The following RBFOX1 variants were observed in gnomAD, a reference collection of about 807,000 sequenced individuals.
The protein encoded by RBFOX1 is RNA binding protein fox-1 homolog 1.
In RBFOX1, 8 loss-of-function variants were observed where a neutral mutation model predicts 57.7. The ratio of observed to expected loss-of-function variants is 0.14; its 90% CI spans 0.08 to 0.25. The LOEUF (loss-of-function observed/expected upper bound fraction) is 0.25, where lower values mean the gene tolerates loss of function less well. Among genes scored for constraint, RBFOX1 ranks in the 10% least tolerant of loss-of-function variants. The pLI is 1.00. For synonymous variants in RBFOX1, 326 were observed against 222.4 expected (o/e 1.47, Z -4.15); for missense variants, 611 against 548.5 (o/e 1.11, Z -1.14).
chr16:7,300,512 A>G (rs1043483468), intron 4 of RBFOX1, among the ~76,000 whole-genome samples: 1 of 152,238 alleles, frequency 6.6e-6, no homozygotes, highest in East Asian at 1.9e-4. Context: ...TGACGTTGCC[A>G]CTGAGCTAAC....
At chr16:6,031,143 A>G (rs1397915850) in intron 1 of RBFOX1, among the ~76,000 whole-genome samples, 2 of 152,182 alleles carry the variant, frequency 1.3e-5, no homozygotes, top group Non-Finnish European at 2.9e-5. Context: ...AAGGAGAGGT[A>G]TTGGGCCACA....
chr16:7,401,410 A>T (rs925233780), intron 4 of RBFOX1, among the ~76,000 whole-genome samples: 5 of 152,338 alleles, frequency 3.3e-5, no homozygotes, highest in African/African-American at 1.2e-4. Flanking sequence ...ACATAAAATA[A>T]TGATAGGTGT....
intron 2 of RBFOX1, among the ~76,000 whole-genome samples, chr16:5,475,919 C>A (rs1272245703): frequency 3.3e-5 from 5 of 152,198 alleles, no homozygotes; most frequent in Admixed American, 2.6e-4. Context: ...GATCCTCCTG[C>A]CCTGGCCTCC....
intron 4 of RBFOX1, among the ~76,000 whole-genome samples, chr16:7,462,270 G>A (rs1405399525): frequency 1.3e-5 from 2 of 152,184 alleles, no homozygotes; most frequent in Non-Finnish European, 2.9e-5. Context: ...CAGAGTAAAA[G>A]AAACACCCGG....
At chr16:6,814,894 G>A (rs1161596779) in intron 3 of RBFOX1, among the ~76,000 whole-genome samples, 1 of 152,050 alleles carries the variant, frequency 6.6e-6, no homozygotes, top group African/African-American at 2.4e-5. Context: ...AAGAATTTGG[G>A]GCGAGTCCAT....
At chr16:7,355,359 A>G (rs911028740) in intron 4 of RBFOX1, among the ~76,000 whole-genome samples, 2 of 152,154 alleles carry the variant, frequency 1.3e-5, no homozygotes, top group African/African-American at 4.8e-5. Flanking sequence ...TTCAAGAAAT[A>G]AGTCAGAAAG....
exon 3 of RBFOX1, chr16:5,599,023 C>T (rs1245307167): frequency 1.5e-6 from 2 of 1,342,690 alleles, no homozygotes; most frequent in Non-Finnish European, 2.1e-6. Flanking sequence ...TCCTTTTCAG[C>T]CTCTTTGGTC....
At chr16:6,416,793 A>G (rs536573382) in intron 2 of RBFOX1, among the ~76,000 whole-genome samples, 18 of 152,280 alleles carry the variant, frequency 1.2e-4, no homozygotes, top group Non-Finnish European at 2.2e-4. Context: ...GATACATCAA[A>G]CAGGTTGCAG....
intron 3 of RBFOX1, among the ~76,000 whole-genome samples, chr16:6,820,767 C>T (rs1555501380): frequency 6.6e-6 from 1 of 152,110 alleles, no homozygotes; most frequent in South Asian, 2.1e-4. Flanking sequence ...GATGCTAAGT[C>T]AGAGACTTAT....
intron 1 of RBFOX1, among the ~76,000 whole-genome samples, chr16:6,210,349 AAAAAAAAACACC>A (rs1567684282): frequency 2.6e-5 from 2 of 78,044 alleles, no homozygotes; most frequent in East Asian, 3.8e-4. Flanking sequence ...AAAAAACAAA[AAAAAAAAACACC>A]AAAAAAAAAA....
chr16:7,630,555 A>C (rs187071821), intron 10 of RBFOX1, 48 bp from the exon 11 acceptor site: 1 of 1,610,352 alleles, frequency 6.2e-7, no homozygotes, highest in African/African-American at 1.3e-5. Context: ...TCTCAGGTGT[A>C]GTGTACCGAT....
chr16:5,452,332 C>T (rs943718383), intron 1 of RBFOX1, among the ~76,000 whole-genome samples: 1 of 151,764 alleles, frequency 6.6e-6, no homozygotes, highest in Non-Finnish European at 1.5e-5. Flanking sequence ...TGGTTTCAAA[C>T]TCCTGGCCTC....
intron 3 of RBFOX1, among the ~76,000 whole-genome samples, chr16:6,919,297 A>G (rs572984593): frequency 2.9e-4 from 44 of 152,060 alleles, no homozygotes; most frequent in Non-Finnish European, 4.4e-4. Context: ...CCAAGAGGTA[A>G]TGTTTCTTGA....
chr16:7,241,350 G>A (rs2094048658), intron 4 of RBFOX1, among the ~76,000 whole-genome samples: 1 of 152,124 alleles, frequency 6.6e-6, no homozygotes, highest in South Asian at 2.1e-4. Flanking sequence ...TGGCCCGTTG[G>A]ACTATCTTGG....
intron 1 of RBFOX1, among the ~76,000 whole-genome samples, chr16:6,134,225 C>G (rs1156397863): frequency 3.3e-5 from 5 of 152,294 alleles, no homozygotes; most frequent in Admixed American, 2.6e-4. Flanking sequence ...GCGTGAGCCA[C>G]CACACCCAGC....
intron 4 of RBFOX1, among the ~76,000 whole-genome samples, chr16:7,096,218 G>C (rs1257417771): frequency 6.6e-6 from 1 of 152,180 alleles, no homozygotes; most frequent in East Asian, 1.9e-4. Context: ...GTCGATAAAA[G>C]TGTTATTGCT....
chr16:6,331,238 G>A (rs1173262160), intron 2 of RBFOX1, among the ~76,000 whole-genome samples: 1 of 152,116 alleles, frequency 6.6e-6, no homozygotes, highest in Non-Finnish European at 1.5e-5. Context: ...ACGTGGTCAG[G>A]AGTTTGAGAC....
chr16:6,682,217 C>T (rs989944708), intron 3 of RBFOX1, among the ~76,000 whole-genome samples: 1 of 152,164 alleles, frequency 6.6e-6, no homozygotes, highest in African/African-American at 2.4e-5. Context: ...CAGCAACGAA[C>T]AACGCAACAG....
chr16:6,033,369 T>C (rs2095317590), intron 1 of RBFOX1, among the ~76,000 whole-genome samples: 1 of 152,176 alleles, frequency 6.6e-6, no homozygotes, highest in South Asian at 2.1e-4. Context: ...AATGCAGGAG[T>C]ATGCAGAGAA....
Sources: allele counts gnomAD v4.1 joint callset (sites outside exome capture counted in the v4.1 genomes callset), GRCh38; gene constraint gnomAD v4.1.1; transcripts MANE v1.5; gene names NCBI Gene and HGNC (gene_info 2026-07-23, HGNC 2026-07-21).